Variants in R3HDM2 observed in about 807,000 individuals in gnomAD.
R3HDM2 encodes R3H domain-containing protein 2.
R3HDM2 carries 38 observed loss-of-function variants against 124.5 expected under a neutral mutation model. That is an observed-to-expected ratio of 0.31 (90% CI 0.24 to 0.40). The LOEUF (loss-of-function observed/expected upper bound fraction) is 0.40. R3HDM2 is among the 10% of genes least tolerant of loss of function. The probability of loss-of-function intolerance (pLI) is 1.00; values close to 1 mark genes in which losing one functional copy is unlikely to be tolerated. For synonymous variants in R3HDM2, 391 were observed against 448.0 expected (o/e 0.87, Z 1.61); for missense variants, 869 against 1,236.9 (o/e 0.70, Z 4.46).
rs2053662820 is a variant in R3HDM2 at position 57,310,446 on chromosome 12, A to C, written c.-18T>G. Reference sequence around the variant, plus strand: ...TTAGACATGTTCTTCAATAGAATACAGTGGCCTCTATGGACTCCTAAAGAA... The same window carrying C: ...TTAGACATGTTCTTCAATAGAATACCGTGGCCTCTATGGACTCCTAAAGAA... On this transcript the variant is annotated 5_prime_UTR_variant, in exon 3 of 24. Transcript: ENST00000402412. The C allele has an allele frequency of 6.6e-7, 1 of 1,507,576 alleles. No individual in the cohort carries two copies. The highest frequency in any genetic ancestry group is 2.3e-5 in the Admixed American group (1 of 43,306). The allele number at this position is 1,507,576 out of a possible 1,614,324, so 93.4% of individuals were successfully genotyped here.
chr12:57,355,522 C>T (rs2061185801), intron 2 of R3HDM2, among the ~76,000 whole-genome samples: 2 of 151,646 alleles, frequency 1.3e-5, no homozygotes, highest in African/African-American at 4.8e-5. Flanking sequence ...ATCTCTTTCC[C>T]ATTGAAATGA....
chr12:57,334,750 G>C (rs2058644088), intron 2 of R3HDM2, among the ~76,000 whole-genome samples: 1 of 152,112 alleles, frequency 6.6e-6, no homozygotes, highest in South Asian at 2.1e-4. Flanking sequence ...TCAGTGTAGG[G>C]ATATATTGAG....
chr12:57,408,541 G>A (rs1271392333), intron 1 of R3HDM2, among the ~76,000 whole-genome samples: 1 of 151,884 alleles, frequency 6.6e-6, no homozygotes, highest in African/African-American at 2.4e-5. Flanking sequence ...GACCAGCCTG[G>A]GCAACATGGT....
At chr12:57,365,391 G>C (rs1390333833) in intron 2 of R3HDM2, among the ~76,000 whole-genome samples, 1 of 152,130 alleles carries the variant, frequency 6.6e-6, no homozygotes, top group Admixed American at 6.5e-5. Flanking sequence ...ACTAGGGTTA[G>C]GGCTTTAACA....
At chr12:57,267,854 G>C (rs535077788) in intron 18 of R3HDM2, among the ~76,000 whole-genome samples, 3 of 152,242 alleles carry the variant, frequency 2.0e-5, no homozygotes, top group Non-Finnish European at 4.4e-5. Flanking sequence ...TGATTTCTAA[G>C]GTGCCTTCTA....
chr12:57,392,951 C>T (rs1406376946), intron 2 of R3HDM2, among the ~76,000 whole-genome samples: 1 of 151,658 alleles, frequency 6.6e-6, no homozygotes, highest in African/African-American at 2.4e-5. Context: ...ACTACAGGCA[C>T]CTGCCACCAC....
intron 1 of R3HDM2, chr12:57,418,413 T>C (rs1311640440): frequency 1.2e-6 from 1 of 862,264 alleles, no homozygotes; most frequent in Non-Finnish European, 1.4e-6. Flanking sequence ...AGGCTGCCGT[T>C]GGTCTTTGTC....
intron 10 of R3HDM2, among the ~76,000 whole-genome samples, chr12:57,294,634 C>T (rs2138489324): frequency 6.6e-6 from 1 of 152,290 alleles, no homozygotes; most frequent in South Asian, 2.1e-4. Context: ...CAACCACGCT[C>T]TTCAAATCGA....
chr12:57,377,978 C>T (rs1043309513), intron 2 of R3HDM2, among the ~76,000 whole-genome samples: 8 of 152,020 alleles, frequency 5.3e-5, no homozygotes, highest in Admixed American at 2.0e-4. Flanking sequence ...ATCCCAGCTA[C>T]GCGGGAGGCT....
Position 57,258,890 on chromosome 12 carries a change from C to A in R3HDM2, c.2301G>T (p.Gln767His), listed in dbSNP as rs771972098. Residue 767 changes from glutamine to histidine, a missense_variant and splice_region_variant, in exon 20 of 24, where the codon CAG becomes CAT. Gln to His is a conservative substitution (Grantham distance 24, BLOSUM62 0). Around this residue, in one of 2 missense-constraint regions of R3HDM2, gnomAD observed 602 missense variants for 789.2 expected, o/e 0.76. Coordinates refer to ENST00000402412, the MANE Select transcript of R3HDM2 (RefSeq NM_001394031.1). Reference sequence around the variant, plus strand: ...AGACAAGGCTGAGTGCTGCACTCACCTGGGGGCTGCTGTCAGGACTGTACA... The same window carrying A: ...AGACAAGGCTGAGTGCTGCACTCACATGGGGGCTGCTGTCAGGACTGTACA... Reference protein sequence around the residue: ...GDLYSPDSSPQANTQMSSSPV... With the variant: ...GDLYSPDSSPHANTQMSSSPV... The A allele has an allele frequency of 1.3e-5, 20 of 1,571,188 alleles. 1 individual carries two copies. In the South Asian group the frequency reaches 2.3e-4, roughly 18 times the overall value.
At chr12:57,295,837 C>G (rs1323079826) in intron 9 of R3HDM2, among the ~76,000 whole-genome samples, 1 of 152,134 alleles carries the variant, frequency 6.6e-6, no homozygotes, top group African/African-American at 2.4e-5. Flanking sequence ...AACCCCAACC[C>G]CAATCCCCTT....
At chr12:57,298,964 AAAAAAT>A (rs1409644262) in intron 6 of R3HDM2, among the ~76,000 whole-genome samples, 4 of 152,120 alleles carry the variant, frequency 2.6e-5, no homozygotes, top group Admixed American at 6.6e-5. Context: ...CTCTGTCTCA[AAAAAAT>A]AAAAATAAAA....
Position 57,317,424 on chromosome 12 carries a change from A to G in R3HDM2, c.-35-6961T>C, listed in dbSNP as rs192178904. ...GGTCTTGAACTCCTGGGCTTAAGCA[A>G]TCCACCCGCCTTGGCCTCACAAAGT... On this transcript the variant is annotated intron_variant, in intron 2 of 23. Coordinates refer to ENST00000402412, the MANE Select transcript of R3HDM2 (RefSeq NM_001394031.1). Among the ~76,000 whole-genome samples the G allele has an allele frequency of 4.6e-5, 7 of 151,942 alleles. No homozygotes were observed. In the East Asian group the frequency reaches 1.4e-3, roughly 29 times the overall value.
chr12:57,372,472 C>T (rs1324414960), intron 2 of R3HDM2, among the ~76,000 whole-genome samples: 2 of 152,144 alleles, frequency 1.3e-5, no homozygotes, highest in Non-Finnish European at 2.9e-5. Flanking sequence ...TTCCCAAGCT[C>T]TTTGCAATAA....
intron 2 of R3HDM2, among the ~76,000 whole-genome samples, chr12:57,328,974 T>A (rs2057720483): frequency 6.6e-6 from 1 of 152,184 alleles, no homozygotes; most frequent in Non-Finnish European, 1.5e-5. Flanking sequence ...ATGCCTGTAT[T>A]TGGGTTTTGC....
At chr12:57,287,156 C>T (rs892370840) in intron 12 of R3HDM2, among the ~76,000 whole-genome samples, 1 of 152,180 alleles carries the variant, frequency 6.6e-6, no homozygotes, top group Non-Finnish European at 1.5e-5. Flanking sequence ...TTGGGCTAGC[C>T]ACTTAAATCT....
At chr12:57,349,560 T>C (rs2060469890) in intron 2 of R3HDM2, among the ~76,000 whole-genome samples, 1 of 151,042 alleles carries the variant, frequency 6.6e-6, no homozygotes, top group Non-Finnish European at 1.5e-5. Context: ...TTTTTGTTTT[T>C]TGGTTGTTTT....
At chr12:57,351,778 C>T (rs778069977) in intron 2 of R3HDM2, among the ~76,000 whole-genome samples, 3 of 152,030 alleles carry the variant, frequency 2.0e-5, no homozygotes, top group Non-Finnish European at 4.4e-5. Flanking sequence ...AGAGTAGGAA[C>T]TTAATAAATT....
chr12:57,256,982 AT>A (rs945412880), intron 21 of R3HDM2, among the ~76,000 whole-genome samples: 1 of 150,944 alleles, frequency 6.6e-6, no homozygotes, highest in Non-Finnish European at 1.5e-5. Context: ...CGCCTGGCTA[AT>A]TTTTTTTTGT....
Sources: gnomAD v4.1 joint callset for allele counts (sites outside exome capture counted in the v4.1 genomes callset) on GRCh38, gnomAD v4.1.1 for gene constraint, gnomAD v4.1.1 regional missense constraint, MANE v1.5 for transcripts, NCBI Gene and HGNC (gene_info 2026-07-23, HGNC 2026-07-21) for gene names.